ASF1A: variants seen among roughly 807,000 people sequenced by gnomAD.
The protein encoded by ASF1A is histone chaperone ASF1A.
A neutral mutation model predicts 22.0 loss-of-function variants in ASF1A; 5 were observed. The observed-to-expected ratio is 0.23, with a 90% CI of 0.12 to 0.48. ASF1A has a LOEUF of 0.48. Ranked by LOEUF, ASF1A falls within the 20% of genes least tolerant of loss-of-function variation. The pLI is 0.99. For missense variants in ASF1A, 137 were observed against 240.6 expected, an observed-to-expected ratio of 0.57 and a Z score of 2.85; for synonymous variants, 97 against 86.7, an observed-to-expected ratio of 1.12 and a Z score of -0.66.
Position 118,904,590 on chromosome 6 carries a change from C to T in ASF1A, c.226-1062C>T, listed in dbSNP as rs551773805. Among the ~76,000 whole-genome samples the T allele has an allele frequency of 9.2e-5, 14 of 152,324 alleles. No individual in the cohort carries two copies. The East Asian group carries it at 2.3e-3, about 25-fold the overall frequency. On this transcript the variant is annotated intron_variant, in intron 2 of 3. Transcript: ENST00000229595. ...ACCACGGATGGGGCCCTGCCCTTCG[C>T]TCATGCTCTTAGTCTAGTCTAACTC...
chr6:118,897,693 T>C (rs1779521980), intron 1 of ASF1A, among the ~76,000 whole-genome samples: 1 of 152,046 alleles, frequency 6.6e-6, no homozygotes, highest in African/African-American at 2.4e-5. Context: ...TTAATCATGA[T>C]TACTGTGATT....
chr6:118,903,787 A>T (rs1301905518), intron 2 of ASF1A, among the ~76,000 whole-genome samples: 1 of 152,196 alleles, frequency 6.6e-6, no homozygotes, highest in Non-Finnish European at 1.5e-5. Context: ...GGGTTTCGCC[A>T]TGTGGCCCAG....
At chr6:118,904,352 A>G (rs1191850493) in intron 2 of ASF1A, among the ~76,000 whole-genome samples, 1 of 152,192 alleles carries the variant, frequency 6.6e-6, no homozygotes, top group Non-Finnish European at 1.5e-5. Flanking sequence ...TACAGTAAAC[A>G]ACAGTCTTCA....
intron 1 of ASF1A, among the ~76,000 whole-genome samples, chr6:118,899,032 AC>A (rs1779624717): frequency 6.6e-6 from 1 of 151,210 alleles, no homozygotes; most frequent in African/African-American, 2.4e-5. Context: ...ACCCCACATC[AC>A]CTCCCTGCAA....
chr6:118,899,200 G>A (rs1195543069), intron 1 of ASF1A, among the ~76,000 whole-genome samples: 2 of 152,150 alleles, frequency 1.3e-5, no homozygotes, highest in Non-Finnish European at 2.9e-5. Flanking sequence ...ATTGAACACA[G>A]CAATCAAAGC....
intron 1 of ASF1A, 76 bp downstream of exon 1, chr6:118,894,598 C>A: frequency 1.6e-6 from 2 of 1,280,830 alleles, no homozygotes; most frequent in South Asian, 2.6e-5. Context: ...CCGGGCCTCG[C>A]GCTGGGCGGC....
At chr6:118,906,176 G>A (rs895615725) in intron 3 of ASF1A, among the ~76,000 whole-genome samples, 6 of 152,116 alleles carry the variant, frequency 3.9e-5, no homozygotes, top group South Asian at 2.1e-4. Flanking sequence ...AGGTTCAAGC[G>A]ATTCTCCTGT....
chr6:118,901,547 C>T (rs990601729), intron 2 of ASF1A, among the ~76,000 whole-genome samples: 1 of 152,120 alleles, frequency 6.6e-6, no homozygotes, highest in Admixed American at 6.5e-5. Flanking sequence ...TTCTTAGATA[C>T]CACTGAGAGT....
At chr6:118,895,569 T>G (rs897726356) in intron 1 of ASF1A, among the ~76,000 whole-genome samples, 1 of 152,118 alleles carries the variant, frequency 6.6e-6, no homozygotes, top group Non-Finnish European at 1.5e-5. Context: ...CAACTCCTCA[T>G]GTCAGTCCAA....
Position 118,907,586 on chromosome 6 carries a change from T to TG in ASF1A, c.588dup (p.Leu197ValfsTer19). On this transcript the variant is annotated frameshift_variant, in exon 4 of 4. Transcript: ENST00000229595. LOFTEE classifies it high-confidence loss of function. ...ACATCAGAAAACTCACTAAATGTCA[T>TG]GTTAGAATCCCACATGGACTGCATG... The TG allele has an allele frequency of 6.2e-7, 1 of 1,613,668 alleles. No individual in the cohort carries two copies.
chr6:118,904,735 A>T (rs536399607), intron 2 of ASF1A, among the ~76,000 whole-genome samples: 1 of 152,392 alleles, frequency 6.6e-6, no homozygotes, highest in South Asian at 2.1e-4. Flanking sequence ...TGTGGTTTAA[A>T]GAGCATACTA....
chr6:118,905,619 G>A, intron 2 of ASF1A, 33 bp from the exon 3 acceptor site: 1 of 1,552,314 alleles, frequency 6.4e-7, no homozygotes. Context: ...CCTTTTGTGT[G>A]TGTGTGTTTC....
chr6:118,901,958 G>A (rs1471789769), intron 2 of ASF1A, among the ~76,000 whole-genome samples: 2 of 152,138 alleles, frequency 1.3e-5, no homozygotes, highest in Non-Finnish European at 2.9e-5. Context: ...CTCTAGAGCT[G>A]CTACCTTTCC....
chr6:118,895,775 T>C (rs979662249), intron 1 of ASF1A, among the ~76,000 whole-genome samples: 1 of 152,198 alleles, frequency 6.6e-6, no homozygotes, highest in African/African-American at 2.4e-5. Flanking sequence ...GGACATACTT[T>C]GAACTAGAAG....
intron 1 of ASF1A, among the ~76,000 whole-genome samples, chr6:118,899,356 T>C (rs1282373319): frequency 6.6e-6 from 1 of 152,170 alleles, no homozygotes; most frequent in Admixed American, 6.5e-5. Flanking sequence ...TCCTCAATCA[T>C]AGGGTTTGGT....
intron 2 of ASF1A, among the ~76,000 whole-genome samples, chr6:118,902,626 T>C (rs1012141759): frequency 6.6e-6 from 1 of 151,274 alleles, no homozygotes; most frequent in Non-Finnish European, 1.5e-5. Flanking sequence ...TTATTAAGCA[T>C]ACTCCTAAGC....
At chr6:118,899,070 A>G (rs1468428902) in intron 1 of ASF1A, among the ~76,000 whole-genome samples, 1 of 152,142 alleles carries the variant, frequency 6.6e-6, no homozygotes, top group African/African-American at 2.4e-5. Flanking sequence ...TTTCATCTTC[A>G]GGATTTTATC....
rs1780352609 is a variant in ASF1A, at chr6:118,908,976, G to A, written c.*1362G>A. 5 of 152,620 alleles carry A rather than the reference G, an allele frequency of 3.3e-5. No individual in the cohort carries two copies. Among genetic ancestry groups the A allele is most frequent in the South Asian group, 4.2e-4 (2 of 4,818 alleles). 9.5% of individuals were successfully genotyped at this position (152,620 alleles called of 1,614,324 possible). ...TAAAAAAGTGAATTTGTGAAGCAAA[G>A]TTTTGCCAGATGTTAAACTTTGAAT... On this transcript the variant is annotated 3_prime_UTR_variant, in exon 4 of 4. Coordinates refer to ENST00000229595, the MANE Select transcript of ASF1A (RefSeq NM_014034.3).
rs746069451 is a variant in ASF1A, at chr6:118,907,582, G to A, written c.583G>A (p.Val195Ile). Reference protein sequence around the residue: ...GWSTSENSLNVMLESHMDCM With the variant: ...GWSTSENSLNIMLESHMDCM ...GTCCACATCAGAAAACTCACTAAATGTCATGTTAGAATCCCACATGGACTG... is the reference window on the plus strand; with the variant it reads ...GTCCACATCAGAAAACTCACTAAATATCATGTTAGAATCCCACATGGACTG... Residue 195 changes from valine to isoleucine, a missense_variant, in exon 4 of 4, where the codon GTC becomes ATC. By Grantham distance (29) the Val-to-Ile change is conservative. Transcript: ENST00000229595. The A allele has an allele frequency of 1.2e-5, 20 of 1,613,474 alleles. No individual in the cohort carries two copies. In the South Asian group the frequency reaches 1.5e-4, roughly 12 times the overall value.
Sources: gnomAD v4.1 joint callset for allele counts (sites outside exome capture counted in the v4.1 genomes callset) on GRCh38, gnomAD v4.1.1 for gene constraint, MANE v1.5 for transcripts, NCBI Gene and HGNC (gene_info 2026-07-23, HGNC 2026-07-21) for gene names.